FABP12: variants seen among roughly 807,000 people sequenced by gnomAD.
FABP12 encodes fatty acid binding protein 12, also known as fatty acid-binding protein 12.
A neutral mutation model predicts 13.7 loss-of-function variants in FABP12; 19 were observed. That is an observed-to-expected ratio of 1.39 (90% CI 0.97 to 2.04). The LOEUF is 2.04. Ranked by LOEUF, FABP12 falls within the 30% of genes most tolerant of loss-of-function variation. The pLI, the probability that FABP12 is intolerant of heterozygous loss-of-function variation, is 0.00. For missense variants in FABP12, 182 were observed against 164.2 expected (o/e 1.11, Z -0.59); for synonymous variants, 61 against 57.0 (o/e 1.07, Z -0.32).
intron 1 of FABP12, among the ~76,000 whole-genome samples, chr8:81,567,761 T>A (rs1176250695): frequency 6.6e-6 from 1 of 152,206 alleles, no homozygotes; most frequent in Non-Finnish European, 1.5e-5. Flanking sequence ...AAAGATCTCT[T>A]GAGTAATACT....
intron 1 of FABP12, among the ~76,000 whole-genome samples, chr8:81,571,170 C>T (rs990892922): frequency 1.3e-5 from 2 of 152,230 alleles, no homozygotes; most frequent in Non-Finnish European, 2.9e-5. Context: ...TGGGCTCGGC[C>T]TCAACCCAGC....
intron 1 of FABP12, among the ~76,000 whole-genome samples, chr8:81,577,721 A>G (rs572275362): frequency 2.0e-5 from 3 of 152,308 alleles, no homozygotes; most frequent in Admixed American, 1.3e-4. Flanking sequence ...AGATTCCGCC[A>G]TGCACTCTAG....
chr8:81,575,840 G>T (rs1036370076), intron 1 of FABP12, among the ~76,000 whole-genome samples: 1 of 152,120 alleles, frequency 6.6e-6, no homozygotes, highest in Non-Finnish European at 1.5e-5. Context: ...ACCCTACTGT[G>T]AACTGCTCAT....
At chr8:81,581,666 G>A (rs1301749375) in intron 1 of FABP12, among the ~76,000 whole-genome samples, 1 of 152,150 alleles carries the variant, frequency 6.6e-6, no homozygotes, top group African/African-American at 2.4e-5. Flanking sequence ...GAAAGAATGA[G>A]ATAATATATT....
exon 2 of FABP12, chr8:81,531,359 G>A: frequency 7.2e-7 from 1 of 1,398,398 alleles, no homozygotes; most frequent in Non-Finnish European, 9.9e-7. Flanking sequence ...AGTTTCATGT[G>A]TATGCTGGTT....
intron 1 of FABP12, among the ~76,000 whole-genome samples, chr8:81,584,373 C>A (rs1212885495): frequency 6.6e-6 from 1 of 152,228 alleles, no homozygotes; most frequent in Non-Finnish European, 1.5e-5. Context: ...TCAGATTGGC[C>A]TGGACTCAGA....
intron 1 of FABP12, among the ~76,000 whole-genome samples, chr8:81,542,571 C>T (rs1809368532): frequency 6.6e-6 from 1 of 152,116 alleles, no homozygotes; most frequent in Non-Finnish European, 1.5e-5. Flanking sequence ...CATAAATGAG[C>T]TCTGGATGGG....
chr8:81,537,189 G>A (rs745438092), upstream of FABP12, among the ~76,000 whole-genome samples: 3 of 152,136 alleles, frequency 2.0e-5, no homozygotes, highest in Non-Finnish European at 2.9e-5. Flanking sequence ...ATGGTTATCA[G>A]TCAAATATAT....
intron 1 of FABP12, among the ~76,000 whole-genome samples, chr8:81,546,887 C>T (rs1410741176): frequency 2.0e-5 from 3 of 152,160 alleles, no homozygotes; most frequent in Non-Finnish European, 4.4e-5. Flanking sequence ...CACCTCAAGT[C>T]ACAGAACACC....
chr8:81,534,532 G>A (rs773971035), upstream of FABP12, among the ~76,000 whole-genome samples: 5 of 152,086 alleles, frequency 3.3e-5, no homozygotes, highest in Non-Finnish European at 5.9e-5. Context: ...GTCTTACCAA[G>A]GCCTCCATTA....
intron 1 of FABP12, among the ~76,000 whole-genome samples, chr8:81,589,554 A>G (rs1483889564): frequency 6.6e-6 from 1 of 152,124 alleles, no homozygotes; most frequent in Non-Finnish European, 1.5e-5. Context: ...AGGTCACCCA[A>G]TTCACTTTCC....
At chr8:81,584,399 T>C (rs1241548257) in intron 1 of FABP12, among the ~76,000 whole-genome samples, 1 of 152,210 alleles carries the variant, frequency 6.6e-6, no homozygotes, top group Non-Finnish European at 1.5e-5. Context: ...CTTCCCATTA[T>C]AGGTAAAAGG....
At chr8:81,584,800 C>T (rs1810219673) in intron 1 of FABP12, among the ~76,000 whole-genome samples, 1 of 152,142 alleles carries the variant, frequency 6.6e-6, no homozygotes, top group African/African-American at 2.4e-5. Flanking sequence ...CATTTTCTCA[C>T]CAGCATTTAT....
chr8:81,568,264 C>A (rs1809864805), intron 1 of FABP12, among the ~76,000 whole-genome samples: 1 of 151,724 alleles, frequency 6.6e-6, no homozygotes, highest in South Asian at 2.1e-4. Flanking sequence ...AGAAGAAGCT[C>A]AAACAACTCA....
intron 1 of FABP12, among the ~76,000 whole-genome samples, chr8:81,549,904 C>T (rs979560916): frequency 3.9e-5 from 6 of 152,144 alleles, no homozygotes; most frequent in Non-Finnish European, 5.9e-5. Flanking sequence ...CATCTTTTGT[C>T]CCCAGTGCCA....
At chr8:81,539,040 G>T (rs1378491591) in intron 2 of FABP12, among the ~76,000 whole-genome samples, 2 of 152,032 alleles carry the variant, frequency 1.3e-5, no homozygotes, top group African/African-American at 2.4e-5. Flanking sequence ...ATAGAGATGG[G>T]ATTATGCCAT....
chr8:81,539,747 G>A (rs1487459201), intron 1 of FABP12, among the ~76,000 whole-genome samples: 1 of 152,136 alleles, frequency 6.6e-6, no homozygotes. Flanking sequence ...GGAATTCCTG[G>A]AGGGATGAAT....
intron 1 of FABP12, chr8:81,533,191 A>G (rs1033248889): frequency 2.6e-5 from 4 of 152,192 alleles, no homozygotes; most frequent in African/African-American, 4.8e-5. Flanking sequence ...TATGGCTTCT[A>G]TCTCTGCACT....
chr8:81,527,961 GAAT>G (rs554276374), intron 3 of FABP12, among the ~76,000 whole-genome samples: 2 of 151,382 alleles, frequency 1.3e-5, no homozygotes, highest in Non-Finnish European at 1.5e-5. Flanking sequence ...TCTCAATAAA[GAAT>G]AATAATAATA....
Sources: gnomAD v4.1 joint callset for allele counts (sites outside exome capture counted in the v4.1 genomes callset) on GRCh38, gnomAD v4.1.1 for gene constraint, MANE v1.5 for transcripts, NCBI Gene and HGNC (gene_info 2026-07-23, HGNC 2026-07-21) for gene names.